ZEB2: variants seen among roughly 807,000 people sequenced by gnomAD.
ZEB2 encodes zinc finger E-box binding homeobox 2.
ZEB2 carries 6 observed loss-of-function variants against 99.9 expected under a neutral mutation model. The observed-to-expected ratio is 0.06, with a 90% CI of 0.03 to 0.12. The LOEUF is 0.12. Among genes scored for constraint, ZEB2 ranks in the 10% least tolerant of loss-of-function variants. The pLI, the probability that ZEB2 is intolerant of heterozygous loss-of-function variation, is 1.00. For synonymous variants in ZEB2, 517 were observed against 542.5 expected, an observed-to-expected ratio of 0.95 and a Z score of 0.65; for missense variants, 969 against 1,502.8, an observed-to-expected ratio of 0.64 and a Z score of 5.87.
intron 4 of ZEB2, among the ~76,000 whole-genome samples, chr2:144,414,263 C>T (rs961996192): frequency 1.1e-4 from 16 of 152,230 alleles, no homozygotes; most frequent in African/African-American, 1.7e-4. Context: ...TGCTATTCTT[C>T]TCATGTATTT....
chr2:144,390,049 A>T (rs781003718), intron 9 of ZEB2, 21 bp from the exon 10 acceptor site: 1 of 1,598,580 alleles, frequency 6.3e-7, no homozygotes, highest in South Asian at 1.1e-5. Flanking sequence ...GAACAAGATG[A>T]CAGGGTGATT....
chr2:144,408,042 A>G (rs575836160), intron 4 of ZEB2, among the ~76,000 whole-genome samples: 2 of 152,362 alleles, frequency 1.3e-5, no homozygotes, highest in South Asian at 4.1e-4. Flanking sequence ...ACAAAACTGC[A>G]TCTAGATACA....
At chr2:144,390,198 A>C (rs146004556) in intron 9 of ZEB2, among the ~76,000 whole-genome samples, 170 bp from the exon 10 acceptor site, 1 of 152,138 alleles carries the variant, frequency 6.6e-6, no homozygotes. Flanking sequence ...TTTCCATCCC[A>C]CAATTTGGTT....
chr2:144,505,617 A>C (rs1230641282), intron 2 of ZEB2, among the ~76,000 whole-genome samples: 1 of 152,024 alleles, frequency 6.6e-6, no homozygotes, highest in East Asian at 1.9e-4. Flanking sequence ...GTGGGCTGGG[A>C]GTGGGGGGTG....
chr2:144,441,013 T>C (rs1172027052), intron 2 of ZEB2, among the ~76,000 whole-genome samples: 1 of 147,776 alleles, frequency 6.8e-6, no homozygotes, highest in Non-Finnish European at 1.5e-5. Context: ...ACAACAAGTG[T>C]CCTCAAGCAG....
chr2:144,418,096 A>G (rs1208633252), intron 4 of ZEB2, among the ~76,000 whole-genome samples: 3 of 152,196 alleles, frequency 2.0e-5, no homozygotes, highest in Non-Finnish European at 4.4e-5. Flanking sequence ...CTCCTCCTAC[A>G]CAGTTAAAGA....
At chr2:144,519,174 C>T (rs1208647949) in intron 1 of ZEB2, among the ~76,000 whole-genome samples, 3 of 152,114 alleles carry the variant, frequency 2.0e-5, no homozygotes, top group African/African-American at 7.2e-5. Context: ...ACTAAAAATA[C>T]AATTTTAAAA....
chr2:144,464,957 T>C (rs1704251489), intron 2 of ZEB2, among the ~76,000 whole-genome samples: 1 of 152,176 alleles, frequency 6.6e-6, no homozygotes, highest in African/African-American at 2.4e-5. Flanking sequence ...GAGAAGCACT[T>C]TCCAAGAGTA....
chr2:144,484,134 G>A (rs554291371), intron 2 of ZEB2, among the ~76,000 whole-genome samples: 1 of 149,034 alleles, frequency 6.7e-6, no homozygotes, highest in African/African-American at 2.5e-5. Flanking sequence ...AGCTATGTGG[G>A]CCCGAAACAC....
At chr2:144,486,591 G>A (rs1414493580) in intron 2 of ZEB2, among the ~76,000 whole-genome samples, 1 of 151,992 alleles carries the variant, frequency 6.6e-6, no homozygotes, top group Non-Finnish European at 1.5e-5. Context: ...TTACTGAAAT[G>A]TCTCAGCTTT....
At chr2:144,486,922 G>A (rs1704605237) in intron 2 of ZEB2, among the ~76,000 whole-genome samples, 1 of 151,988 alleles carries the variant, frequency 6.6e-6, no homozygotes, top group African/African-American at 2.4e-5. Flanking sequence ...TGATTTTGGG[G>A]CTCAAACATT....
chr2:144,479,519 G>A (rs1704477616), intron 2 of ZEB2, among the ~76,000 whole-genome samples: 1 of 152,120 alleles, frequency 6.6e-6, no homozygotes, highest in Non-Finnish European at 1.5e-5. Flanking sequence ...GCAATCCGCA[G>A]CACCTAAACT....
chr2:144,431,886 T>A (rs1471199093), intron 2 of ZEB2, among the ~76,000 whole-genome samples: 1 of 150,886 alleles, frequency 6.6e-6, no homozygotes. Context: ...CTGGGAAGCT[T>A]TCAACCCACC....
chr2:144,440,509 ATATATATTTTTTTTTTTTT>A (rs1273767757), intron 2 of ZEB2, among the ~76,000 whole-genome samples: 269 of 28,892 alleles, frequency 9.3e-3, no homozygotes, highest in Admixed American at 0.018. Context: ...ATATATATAT[ATATATATTTTTTTTTTTTT>A]TTTTTTTTTT....
intron 2 of ZEB2, among the ~76,000 whole-genome samples, chr2:144,445,540 A>G (rs1417819204): frequency 2.6e-5 from 4 of 152,090 alleles, no homozygotes; most frequent in Non-Finnish European, 5.9e-5. Flanking sequence ...ATACACATTT[A>G]TCTAAAGGAA....
At chr2:144,487,604 A>T (rs1704616911) in intron 2 of ZEB2, among the ~76,000 whole-genome samples, 1 of 152,242 alleles carries the variant, frequency 6.6e-6, no homozygotes, top group African/African-American at 2.4e-5. Flanking sequence ...TTATATAGAA[A>T]GCAATGAATT....
At chr2:144,411,832 T>C (rs2149883012) in intron 4 of ZEB2, among the ~76,000 whole-genome samples, 1 of 152,300 alleles carries the variant, frequency 6.6e-6, no homozygotes, top group Middle Eastern at 3.4e-3. Context: ...TCTGTAGTAG[T>C]CTGCAGTATC....
chr2:144,516,589 T>G (rs1705149477), intron 2 of ZEB2: 1 of 55,238 alleles, frequency 1.8e-5, no homozygotes, highest in Non-Finnish European at 3.4e-5. Flanking sequence ...CTGCGACTCC[T>G]TCAGTCCCCG....
intron 4 of ZEB2, among the ~76,000 whole-genome samples, chr2:144,416,133 T>C (rs942826721): frequency 2.0e-5 from 3 of 152,236 alleles, no homozygotes; most frequent in Non-Finnish European, 4.4e-5. Flanking sequence ...CCCTTGCCTA[T>C]CATCCAGTTT....
Sources: gnomAD v4.1 joint callset for allele counts (sites outside exome capture counted in the v4.1 genomes callset) on GRCh38, gnomAD v4.1.1 for gene constraint, MANE v1.5 for transcripts, NCBI Gene and HGNC (gene_info 2026-07-23, HGNC 2026-07-21) for gene names.